CAMK4: variants seen among roughly 807,000 people sequenced by gnomAD.
CAMK4 encodes calcium/calmodulin-dependent protein kinase type IV.
Under a neutral mutation model 44.9 loss-of-function variants are expected in CAMK4, and 22 were observed. The ratio of observed to expected loss-of-function variants is 0.49; its 90% CI spans 0.35 to 0.70. CAMK4 has a LOEUF of 0.70. CAMK4 is among the 30% of genes least tolerant of loss of function. CAMK4 has a pLI of 0.01. For synonymous variants in CAMK4, 218 were observed against 215.4 expected (o/e 1.01, Z -0.11); for missense variants, 498 against 586.8 (o/e 0.85, Z 1.56).
At chr5:111,353,927 T>C (rs1305866848) in intron 2 of CAMK4, among the ~76,000 whole-genome samples, 1 of 152,144 alleles carries the variant, frequency 6.6e-6, no homozygotes, top group Non-Finnish European at 1.5e-5. Context: ...CAAAGTGATC[T>C]ACAGATTCTG....
chr5:111,281,186 C>T (rs778024389), intron 1 of CAMK4, among the ~76,000 whole-genome samples: 1 of 152,132 alleles, frequency 6.6e-6, no homozygotes, highest in Admixed American at 6.5e-5. Flanking sequence ...CTTCCAGACT[C>T]GTGGATCTAG....
At chr5:111,278,625 G>T (rs1750872705) in intron 1 of CAMK4, among the ~76,000 whole-genome samples, 1 of 152,168 alleles carries the variant, frequency 6.6e-6, no homozygotes, top group African/African-American at 2.4e-5. Context: ...TACCAGGTGA[G>T]AAGAAATCCC....
intron 5 of CAMK4, among the ~76,000 whole-genome samples, chr5:111,404,275 C>T (rs966700914): frequency 7.2e-5 from 11 of 152,168 alleles, no homozygotes; most frequent in Non-Finnish European, 1.3e-4. Flanking sequence ...TAATTGGGCC[C>T]TAAATGCCAA....
chr5:111,237,201 G>A (rs1748769422), intron 1 of CAMK4, among the ~76,000 whole-genome samples: 1 of 152,252 alleles, frequency 6.6e-6, no homozygotes, highest in East Asian at 1.9e-4. Context: ...TTCCACAATT[G>A]AAACTCCTTT....
chr5:111,419,250 A>G (rs1360259005), intron 5 of CAMK4, among the ~76,000 whole-genome samples: 1 of 152,138 alleles, frequency 6.6e-6, no homozygotes, highest in African/African-American at 2.4e-5. Context: ...TCTTTTGAGA[A>G]GTGTCTGTTC....
intron 2 of CAMK4, among the ~76,000 whole-genome samples, chr5:111,348,860 A>T (rs561130228): frequency 1.8e-4 from 27 of 152,194 alleles, no homozygotes; most frequent in African/African-American, 4.8e-4. Flanking sequence ...AAAGCATTTC[A>T]AGATCTTGCA....
At chr5:111,317,998 A>G (rs1202590457) in intron 1 of CAMK4, among the ~76,000 whole-genome samples, 3 of 151,072 alleles carry the variant, frequency 2.0e-5, no homozygotes, top group Non-Finnish European at 3.0e-5. Context: ...AGAAAAGCAG[A>G]TTTGTACTAC....
At position 111,486,541 on chromosome 5, in the gene CAMK4, A is replaced by ATG. The variant is rs1561518754; in HGVS notation, c.*2075_*2076insTG. 1.0e-4 allele frequency: 14 copies of ATG among 135,516 alleles called. No homozygotes were observed. Among genetic ancestry groups the ATG allele is most frequent in the African/African-American group, 4.3e-4 (14 of 32,250 alleles). 8.4% of individuals were successfully genotyped at this position (135,516 alleles called of 1,614,324 possible). A position where few individuals can be genotyped will look rare whatever the true frequency, so the allele number is the denominator to read the frequency against. ...CACACACACACACACACACACACAC[A>ATG]CGTGTTGGAAGAGCAAAGAGAGGGA... On this transcript the variant is annotated 3_prime_UTR_variant, in exon 11 of 11. Transcript: ENST00000282356.
chr5:111,237,148 A>C (rs1748766627), intron 1 of CAMK4, among the ~76,000 whole-genome samples: 1 of 152,136 alleles, frequency 6.6e-6, no homozygotes, highest in Non-Finnish European at 1.5e-5. Context: ...GTGAACACTC[A>C]TTACATATTT....
At chr5:111,424,396 C>G (rs1311177035) in intron 5 of CAMK4, among the ~76,000 whole-genome samples, 1 of 144,982 alleles carries the variant, frequency 6.9e-6, no homozygotes, top group Non-Finnish European at 1.5e-5. Flanking sequence ...AATTAAATGT[C>G]TCCAATTAAG....
At chr5:111,358,644 G>A (rs1359602835) in intron 2 of CAMK4, among the ~76,000 whole-genome samples, 1 of 151,152 alleles carries the variant, frequency 6.6e-6, no homozygotes, top group African/African-American at 2.4e-5. Context: ...ATGGGGATTT[G>A]TTGTACAGAT....
At chr5:111,423,955 G>A (rs1753121902) in intron 5 of CAMK4, among the ~76,000 whole-genome samples, 1 of 152,146 alleles carries the variant, frequency 6.6e-6, no homozygotes, top group Admixed American at 6.5e-5. Context: ...TACATACGAG[G>A]AGACCAAGAC....
chr5:111,451,003 T>C (rs950721390), intron 7 of CAMK4, among the ~76,000 whole-genome samples: 1 of 152,148 alleles, frequency 6.6e-6, no homozygotes, highest in African/African-American at 2.4e-5. Context: ...TTAACAACTT[T>C]TGAAATCATA....
At chr5:111,397,715 C>T (rs1345880848) in intron 5 of CAMK4, among the ~76,000 whole-genome samples, 1 of 142,296 alleles carries the variant, frequency 7.0e-6, no homozygotes, top group East Asian at 2.1e-4. Flanking sequence ...CACCTGGATT[C>T]ATGTACTTTT....
intron 5 of CAMK4, among the ~76,000 whole-genome samples, chr5:111,414,468 T>C (rs2112902220): frequency 6.6e-6 from 1 of 152,088 alleles, no homozygotes; most frequent in South Asian, 2.1e-4. Flanking sequence ...ACACCAAACA[T>C]CAGCATCTTC....
At chr5:111,281,886 G>A (rs974289147) in intron 1 of CAMK4, among the ~76,000 whole-genome samples, 4 of 151,608 alleles carry the variant, frequency 2.6e-5, no homozygotes, top group Admixed American at 6.6e-5. Context: ...GTGAAACCCC[G>A]TCTCTACTAA....
At chr5:111,229,639 C>T (rs1446134761) in intron 1 of CAMK4, among the ~76,000 whole-genome samples, 1 of 152,184 alleles carries the variant, frequency 6.6e-6, no homozygotes, top group Non-Finnish European at 1.5e-5. Flanking sequence ...TGCTTTAGGG[C>T]CCCATGGCCT....
chr5:111,371,230 T>C (rs1750993721), intron 2 of CAMK4, among the ~76,000 whole-genome samples: 1 of 151,702 alleles, frequency 6.6e-6, no homozygotes, highest in African/African-American at 2.4e-5. Flanking sequence ...TTACACTACT[T>C]CCATGTACCT....
chr5:111,260,708 C>T (rs1749935747), intron 1 of CAMK4, among the ~76,000 whole-genome samples: 1 of 152,128 alleles, frequency 6.6e-6, no homozygotes, highest in South Asian at 2.1e-4. Flanking sequence ...TTTGTTCGTT[C>T]CTTATCTTCC....
Sources: gnomAD v4.1 joint callset for allele counts (sites outside exome capture counted in the v4.1 genomes callset) on GRCh38, gnomAD v4.1.1 for gene constraint, MANE v1.5 for transcripts, NCBI Gene and HGNC (gene_info 2026-07-23, HGNC 2026-07-21) for gene names.